The following SUGT1 variants were observed in gnomAD, a reference collection of about 807,000 sequenced individuals.
SUGT1 encodes the protein SGT1 assembly cochaperone of MIS12 kinetochore complex, also known as protein SGT1 homolog.
SUGT1 carries 15 observed loss-of-function variants against 56.1 expected under a neutral mutation model. That is an observed-to-expected ratio of 0.27 (90% CI 0.18 to 0.41). The LOEUF (loss-of-function observed/expected upper bound fraction) is 0.41, where lower values mean the gene tolerates loss of function less well. Ranked by LOEUF, SUGT1 falls within the 10% of genes least tolerant of loss-of-function variation. The pLI, the probability that SUGT1 is intolerant of heterozygous loss-of-function variation, is 1.00. For synonymous variants in SUGT1, 123 were observed against 128.6 expected (o/e 0.96, Z 0.30); for missense variants, 347 against 382.2 (o/e 0.91, Z 0.77).
At chr13:52,684,016 G>C (rs1234427720) in intron 12 of SUGT1, among the ~76,000 whole-genome samples, 1 of 152,084 alleles carries the variant, frequency 6.6e-6, no homozygotes, top group African/African-American at 2.4e-5. Context: ...CAGTAGCTGG[G>C]ACTACAGGCA....
At chr13:52,664,152 ATTT>A (rs1962581228) in intron 8 of SUGT1, 95 bp downstream of exon 8, 2 of 1,310,760 alleles carry the variant, frequency 1.5e-6, no homozygotes. Flanking sequence ...TTACCATGTG[ATTT>A]TTAAGTTTTT....
In SUGT1 at chr13:52,688,133, A is replaced by G. The variant is rs1963666448; in HGVS notation, c.*298A>G. 1.7e-5 allele frequency: 3 copies of G among 174,548 alleles called. No homozygotes were observed. Among genetic ancestry groups the G allele is most frequent in the African/African-American group, 4.7e-5 (2 of 42,392 alleles). 10.8% of individuals were successfully genotyped at this position (174,548 alleles called of 1,614,324 possible). A position where few individuals can be genotyped will look rare whatever the true frequency, so the allele number is the denominator to read the frequency against. On this transcript the variant is annotated 3_prime_UTR_variant, in exon 13 of 13. Transcript: ENST00000310528. ...TGGGGATGGAGAAATCTTTAATGGTATATTTTCGGTTATTGCCTTATTTTT... is the reference window on the plus strand; with the variant it reads ...TGGGGATGGAGAAATCTTTAATGGTGTATTTTCGGTTATTGCCTTATTTTT...
At chr13:52,671,275 TTCTTA>T (rs1394947256) in intron 10 of SUGT1, among the ~76,000 whole-genome samples, 21 of 151,654 alleles carry the variant, frequency 1.4e-4, no homozygotes, top group Non-Finnish European at 2.2e-4. Context: ...TTGGAATGTA[TTCTTA>T]TCTTTTCATA....
At chr13:52,669,514 C>G (rs1962845135) in intron 10 of SUGT1, among the ~76,000 whole-genome samples, 1 of 152,162 alleles carries the variant, frequency 6.6e-6, no homozygotes, top group Admixed American at 6.5e-5. Flanking sequence ...ATACTTTCCC[C>G]AAGTTTACCT....
intron 2 of SUGT1, among the ~76,000 whole-genome samples, chr13:52,654,827 G>C (rs1962081934): frequency 6.6e-6 from 1 of 152,146 alleles, no homozygotes; most frequent in African/African-American, 2.4e-5. Flanking sequence ...CCGTAAGTAC[G>C]GCGCAATTTA....
intron 10 of SUGT1, among the ~76,000 whole-genome samples, chr13:52,669,446 A>G (rs958576769): frequency 3.9e-5 from 6 of 152,254 alleles, no homozygotes; most frequent in Non-Finnish European, 8.8e-5. Context: ...TGACATTGGC[A>G]GAGAATGTTT....
intron 2 of SUGT1, among the ~76,000 whole-genome samples, chr13:52,655,648 T>G (rs1962130868): frequency 6.6e-6 from 1 of 152,182 alleles, no homozygotes; most frequent in Non-Finnish European, 1.5e-5. Flanking sequence ...AGTTTCTGGC[T>G]GGGGGAATGT....
Position 52,652,910 on chromosome 13 carries a change from G to A in SUGT1, c.-11G>A, listed in dbSNP as rs1961970885. 2.5e-6 allele frequency: 4 copies of A among 1,613,486 alleles called. No homozygotes were observed. Among genetic ancestry groups the A allele is most frequent in the Non-Finnish European group, 3.4e-6 (4 of 1,179,660 alleles). ...TAGCAGCTCCGGCGGCAGCAACAGC[G>A]ACTACGAGGGATGGCGGCGGCTGCA... On this transcript the variant is annotated 5_prime_UTR_variant, in exon 1 of 13. Transcript: ENST00000310528.
chr13:52,656,362 A>G (rs1962169272), intron 2 of SUGT1, among the ~76,000 whole-genome samples: 1 of 152,144 alleles, frequency 6.6e-6, no homozygotes, highest in Non-Finnish European at 1.5e-5. Context: ...ATTTCTTTTC[A>G]TCACCTCTGT....
At chr13:52,687,569 A>T (rs1963645488) in intron 12 of SUGT1, 165 bp from the exon 13 acceptor site, 3 of 375,902 alleles carry the variant, frequency 8.0e-6, no homozygotes, top group Non-Finnish European at 1.4e-5. Flanking sequence ...ATATTGAGCT[A>T]TATATTTTAT....
chr13:52,660,907 A>C (rs1962415011), intron 5 of SUGT1, among the ~76,000 whole-genome samples: 1 of 152,190 alleles, frequency 6.6e-6, no homozygotes, highest in Non-Finnish European at 1.5e-5. Context: ...CTTGGGCTCA[A>C]GTGATCCTCC....
At chr13:52,670,012 GGACGCATTTTGC>G (rs1962866640) in intron 10 of SUGT1, among the ~76,000 whole-genome samples, 1 of 152,120 alleles carries the variant, frequency 6.6e-6, no homozygotes, top group African/African-American at 2.4e-5. Context: ...AATTGAGAAA[GGACGCATTTTGC>G]AGAGGAGAAT....
At chr13:52,687,079 A>AAAG (rs1963620872) in intron 12 of SUGT1, 1 of 150,602 alleles carries the variant, frequency 6.6e-6, no homozygotes, top group African/African-American at 2.5e-5. Context: ...AAAAAAAAAA[A>AAAG]AAAAAAAAAA....
At chr13:52,664,519 T>G (rs1962600992) in intron 8 of SUGT1, among the ~76,000 whole-genome samples, 1 of 152,246 alleles carries the variant, frequency 6.6e-6, no homozygotes, top group Non-Finnish European at 1.5e-5. Context: ...TGACTTTTAA[T>G]TATTCATTAG....
At chr13:52,672,753 T>C (rs1390549974) in intron 10 of SUGT1, among the ~76,000 whole-genome samples, 1 of 152,238 alleles carries the variant, frequency 6.6e-6, no homozygotes, top group African/African-American at 2.4e-5. Flanking sequence ...GGGATCTTAC[T>C]TACCACTTAA....
chr13:52,656,001 T>G (rs1177916544), intron 2 of SUGT1, among the ~76,000 whole-genome samples: 1 of 152,166 alleles, frequency 6.6e-6, no homozygotes, highest in Non-Finnish European at 1.5e-5. Context: ...GGCAGCAGAA[T>G]GGTAAGCTGA....
chr13:52,682,640 C>T (rs1004469536), intron 12 of SUGT1, among the ~76,000 whole-genome samples: 1 of 152,158 alleles, frequency 6.6e-6, no homozygotes, highest in African/African-American at 2.4e-5. Flanking sequence ...TGCTTTTGCA[C>T]CTTTCTTAAA....
At position 52,697,960 on chromosome 13, in the gene SUGT1, T is replaced by TA. The variant is rs1367001177; in HGVS notation, c.*10128dup. 1.3e-5 allele frequency: 2 copies of TA among 152,194 alleles called. No homozygotes were observed. The highest frequency in any genetic ancestry group is 2.9e-5 in the Non-Finnish European group (2 of 68,034). 9.4% of individuals were successfully genotyped at this position (152,194 alleles called of 1,614,324 possible). A position where few individuals can be genotyped will look rare whatever the true frequency, so the allele number is the denominator to read the frequency against. On this transcript the variant is annotated 3_prime_UTR_variant, in exon 13 of 13. Coordinates refer to ENST00000310528, the MANE Select transcript of SUGT1 (RefSeq NM_006704.5). ...GTCTGCCGTTTATTCCTTAACACAT[T>TA]AAACTATAGGTAATAGCATATGTTA...
intron 12 of SUGT1, among the ~76,000 whole-genome samples, chr13:52,686,089 G>A (rs1963578507): frequency 6.6e-6 from 1 of 152,100 alleles, no homozygotes; most frequent in Admixed American, 6.6e-5. Context: ...CACTACGCCT[G>A]GCTAATTTTT....
Sources: gnomAD v4.1 joint callset for allele counts (sites outside exome capture counted in the v4.1 genomes callset) on GRCh38, gnomAD v4.1.1 for gene constraint, MANE v1.5 for transcripts, NCBI Gene and HGNC (gene_info 2026-07-23, HGNC 2026-07-21) for gene names.